SLC5A10: variants seen among roughly 807,000 people sequenced by gnomAD.
SLC5A10 encodes solute carrier family 5 member 10, also known as sodium/mannose cotransporter SLC5A10.
Under a neutral mutation model 68.9 loss-of-function variants are expected in SLC5A10, and 55 were observed. That is an observed-to-expected ratio of 0.80 (90% confidence interval 0.64 to 1.00). The LOEUF (loss-of-function observed/expected upper bound fraction) is 1.00, where lower values mean the gene tolerates loss of function less well. Ranked by LOEUF, SLC5A10 falls within the 50% of genes least tolerant of loss-of-function variation. The probability of loss-of-function intolerance (pLI) is 0.00; values close to 1 mark genes in which losing one functional copy is unlikely to be tolerated. For synonymous variants in SLC5A10, 344 were observed against 344.8 expected, an observed-to-expected ratio of 1.00 and a Z score of 0.02; for missense variants, 732 against 819.3, an observed-to-expected ratio of 0.89 and a Z score of 1.30.
rs1190816234 is a variant in SLC5A10 at position 19,000,635 on chromosome 17, T to TCAGCCCCAG, written c.983-12764_983-12756dup. 4.6e-5 allele frequency among the ~76,000 whole-genome samples: 7 copies of TCAGCCCCAG among 152,092 alleles called. No individual in the cohort carries two copies. Among genetic ancestry groups the TCAGCCCCAG allele is most frequent in the Non-Finnish European group, 8.8e-5 (6 of 68,016 alleles). ...AGGCGGAAGGCTGGGCTGTCCTGAC[T>TCAGCCCCAG]CAGCCCCAGCAGCCCCAGCCTAAAG... On this transcript the variant is annotated intron_variant, in intron 9 of 14. Transcript: ENST00000395645. The surrounding 1 kb of genome is among the most constrained non-coding windows in gnomAD (Gnocchi z 5.2).
At chr17:18,969,187 C>T in intron 6 of SLC5A10, 30 bp downstream of exon 6, 1 of 1,608,998 alleles carries the variant, frequency 6.2e-7, no homozygotes. Flanking sequence ...GAGGTCCACC[C>T]AGGGGACGTG....
upstream of SLC5A10, chr17:18,951,948 G>T: frequency 2.1e-6 from 1 of 476,978 alleles, no homozygotes; most frequent in Non-Finnish European, 3.7e-6. Context: ...AGTTCAAGGA[G>T]GCTCCTTCCT....
intron 9 of SLC5A10, among the ~76,000 whole-genome samples, chr17:19,002,930 C>A (rs1022098304): frequency 2.0e-5 from 3 of 152,166 alleles, no homozygotes; most frequent in Admixed American, 6.5e-5. Flanking sequence ...CCACACCTCC[C>A]TCACCCAAGC....
intron 8 of SLC5A10, among the ~76,000 whole-genome samples, chr17:18,972,666 T>C (rs1174798734): frequency 2.6e-5 from 4 of 151,946 alleles, no homozygotes; most frequent in Non-Finnish European, 5.9e-5. Context: ...ATCGAGACCA[T>C]CCTGGCTAAC....
In SLC5A10 at chr17:19,003,702, G is replaced by A; in HGVS notation, c.983-9708G>A. 6.2e-7 allele frequency: 1 copy of A among 1,607,010 alleles called. No homozygotes were observed. The highest frequency in any genetic ancestry group is 1.1e-5 in the South Asian group (1 of 90,522). On this transcript the variant is annotated intron_variant, in intron 9 of 14. Coordinates refer to ENST00000395645, the MANE Select transcript of SLC5A10 (RefSeq NM_001042450.4). The surrounding 1 kb of genome is among the most constrained non-coding windows in gnomAD (Gnocchi z 4.5). Reference sequence around the variant, plus strand: ...TGGGGCCAGTACTCCAGGGAGGGCAGCGGCTCGGCCTCGATGGGGACCCCA... The same window carrying A: ...TGGGGCCAGTACTCCAGGGAGGGCAACGGCTCGGCCTCGATGGGGACCCCA...
At chr17:18,975,860 TG>T (rs1360394458) in intron 8 of SLC5A10, 2 of 152,038 alleles carry the variant, frequency 1.3e-5, no homozygotes, top group African/African-American at 4.8e-5. Context: ...GTGAATTATA[TG>T]GTCTGTGAAT....
At chr17:19,013,855 G>A (rs2044074648) in intron 10 of SLC5A10, among the ~76,000 whole-genome samples, 1 of 152,064 alleles carries the variant, frequency 6.6e-6, no homozygotes, top group Non-Finnish European at 1.5e-5. Flanking sequence ...CCATTGTTGG[G>A]CCACAGTCCC....
At chr17:18,967,882 C>T (rs112235720) in intron 5 of SLC5A10, among the ~76,000 whole-genome samples, 1,632 of 152,100 alleles carry the variant, frequency 0.011, 30 homozygotes, top group African/African-American at 0.036. Context: ...CCCCACCCCC[C>T]ACCACACCTT....
chr17:18,962,251 G>A (rs2042626690), intron 5 of SLC5A10, among the ~76,000 whole-genome samples: 1 of 152,184 alleles, frequency 6.6e-6, no homozygotes, highest in African/African-American at 2.4e-5. Flanking sequence ...GGACACAGCG[G>A]GGCTTGCTGG....
At chr17:18,979,657 C>T (rs1364227795) in intron 9 of SLC5A10, 6 of 1,613,350 alleles carry the variant, frequency 3.7e-6, no homozygotes, top group Middle Eastern at 1.6e-4. Flanking sequence ...TCCCCCGCTG[C>T]TCCGCACTCT....
At chr17:19,011,874 C>G (rs1318752715) in intron 9 of SLC5A10, among the ~76,000 whole-genome samples, 1 of 151,454 alleles carries the variant, frequency 6.6e-6, no homozygotes, top group African/African-American at 2.4e-5. Flanking sequence ...GAGACCCGCC[C>G]TTCCCCATGG....
chr17:18,979,631 G>A (rs370774339), intron 9 of SLC5A10: 18 of 1,613,486 alleles, frequency 1.1e-5, no homozygotes, highest in Non-Finnish European at 1.4e-5. Context: ...GTTGCCGACC[G>A]CGTGAAGAAC....
Position 19,018,421 on chromosome 17 carries a change from T to A in SLC5A10, c.1242-1002T>A, listed in dbSNP as rs998597166. On this transcript the variant is annotated intron_variant, in intron 11 of 14. Coordinates refer to ENST00000395645, the MANE Select transcript of SLC5A10 (RefSeq NM_001042450.4). This position sits in a 1 kb window ranked among gnomAD's most constrained non-coding sequence, Gnocchi z 4.2. ...CCTCCTGAAAGCCCTCCTAGATTGA[T>A]GTTTCCTCTGAGCTGCTCCAGCCCA... The A allele has an allele frequency of 6.6e-6, 1 of 152,268 alleles. No individual in the cohort carries two copies. Among genetic ancestry groups the A allele is most frequent in the African/African-American group, 2.4e-5 (1 of 41,418 alleles). 9.4% of individuals were successfully genotyped at this position (152,268 alleles called of 1,614,324 possible). A position where few individuals can be genotyped will look rare whatever the true frequency, so the allele number is the denominator to read the frequency against.
intron 9 of SLC5A10, among the ~76,000 whole-genome samples, chr17:19,012,796 C>T (rs1345971443): frequency 6.6e-6 from 1 of 152,166 alleles, no homozygotes; most frequent in African/African-American, 2.4e-5. Flanking sequence ...GCTTGGACCC[C>T]AGGGTTGGAG....
In SLC5A10 at chr17:18,960,641, A is replaced by T; in HGVS notation, c.442A>T (p.Thr148Ser). 6.2e-7 allele frequency: 1 copy of T among 1,614,002 alleles called. No homozygotes were observed. Among genetic ancestry groups the T allele is most frequent in the Non-Finnish European group, 8.5e-7 (1 of 1,179,928 alleles). ...SVLSLLLSVF[T>S]KISLDLYAGA... ...CCTGTCCCTGCTACTGTCTGTCTTCACCAAGATATCGGTGAGCTGCCCCCG... is the reference window on the plus strand; with the variant it reads ...CCTGTCCCTGCTACTGTCTGTCTTCTCCAAGATATCGGTGAGCTGCCCCCG... The change falls in exon 5 of 15, where the codon ACC (threonine) becomes TCC (serine). Residue 148 changes from threonine (T) to serine (S), a missense_variant. Physicochemically the swap from Thr to Ser is moderately conservative, Grantham distance 58 (BLOSUM62 1). Coordinates refer to ENST00000395645, the MANE Select transcript of SLC5A10 (RefSeq NM_001042450.4).
At chr17:19,011,430 G>A (rs974165919) in intron 9 of SLC5A10, among the ~76,000 whole-genome samples, 2 of 152,220 alleles carry the variant, frequency 1.3e-5, no homozygotes, top group Non-Finnish European at 2.9e-5. Flanking sequence ...CACGGTGCTG[G>A]GATGGGAGGT....
Position 19,017,101 on chromosome 17 carries a change from G to A in SLC5A10, c.1241+1902G>A, listed in dbSNP as rs537562339. On this transcript the variant is annotated intron_variant, in intron 11 of 14. Transcript: ENST00000395645. This position sits in a 1 kb window ranked among gnomAD's most constrained non-coding sequence, Gnocchi z 5.6. ...CACCTCTTCTGCCAAGTCAACCCCC[G>A]CCCCTAGCCCTGCAAGCCTGGCAGT... Among the ~76,000 whole-genome samples, 7 of 152,188 alleles carry A rather than the reference G, an allele frequency of 4.6e-5. No homozygotes were observed. The highest frequency in any genetic ancestry group is 3.9e-4 in the Admixed American group (6 of 15,290).
intron 5 of SLC5A10, among the ~76,000 whole-genome samples, chr17:18,961,917 G>A (rs763520154): frequency 6.6e-6 from 1 of 152,214 alleles, no homozygotes; most frequent in Non-Finnish European, 1.5e-5. Context: ...GGAGTGGCCA[G>A]CAGCAAACCC....
intron 5 of SLC5A10, among the ~76,000 whole-genome samples, chr17:18,963,883 G>T (rs1299666388): frequency 6.6e-6 from 1 of 152,218 alleles, no homozygotes. Context: ...TGCAGTAAAG[G>T]TCCTCCACGG....
Sources: gnomAD v4.1 joint callset for allele counts (sites outside exome capture counted in the v4.1 genomes callset) on GRCh38, gnomAD v4.1.1 for gene constraint, Gnocchi (gnomAD v3.1) non-coding constraint, MANE v1.5 for transcripts, NCBI Gene and HGNC (gene_info 2026-07-23, HGNC 2026-07-21) for gene names.